TAFA5: variants seen among roughly 807,000 people sequenced by gnomAD.
TAFA5 encodes the protein chemokine-like protein TAFA-5.
Under a neutral mutation model 15.3 loss-of-function variants are expected in TAFA5, and 6 were observed. The ratio of observed to expected loss-of-function variants is 0.39; its 90% CI spans 0.21 to 0.77. TAFA5 has a LOEUF of 0.77. Ranked by LOEUF, TAFA5 falls within the 30% of genes least tolerant of loss-of-function variation. TAFA5 has a pLI of 0.41. For missense variants in TAFA5, 161 were observed against 193.1 expected, an observed-to-expected ratio of 0.83 and a Z score of 0.98; for synonymous variants, 103 against 80.7, an observed-to-expected ratio of 1.28 and a Z score of -1.48.
At chr22:48,688,045 T>C (rs527305086) in intron 2 of TAFA5, among the ~76,000 whole-genome samples, 1 of 151,972 alleles carries the variant, frequency 6.6e-6, no homozygotes. Flanking sequence ...AATGAAATAA[T>C]GAAACAGGTA....
At chr22:48,691,274 G>A (rs1280983277) in intron 2 of TAFA5, among the ~76,000 whole-genome samples, 1 of 152,240 alleles carries the variant, frequency 6.6e-6, no homozygotes, top group Non-Finnish European at 1.5e-5. Flanking sequence ...TCCTCTCGTG[G>A]CTGTAAGGGT....
chr22:48,662,467 G>A (rs192163108), intron 2 of TAFA5, among the ~76,000 whole-genome samples: 86 of 148,482 alleles, frequency 5.8e-4, no homozygotes, highest in African/African-American at 2.0e-3. Context: ...CTGTGGTCGC[G>A]TGGGGAAGTG....
At position 48,646,683 on chromosome 22, in the gene TAFA5, C is replaced by T. The variant is rs267606283; in HGVS notation, c.199C>T (p.Arg67Cys). 6.2e-7 allele frequency: 1 copy of T among 1,610,798 alleles called. No individual in the cohort carries two copies. The highest frequency in any genetic ancestry group is 8.5e-7 in the Non-Finnish European group (1 of 1,179,600). ...PRRTIARQTA[R>C]CACRKGQIAG... ...GAGGACGATCGCCCGGCAGACCGCC[C>T]GCTGTGCGTGTAGAAAGGGGCAGAT... The change falls in exon 2 of 4, where the codon CGC (arginine) becomes TGC (cysteine). Residue 67 changes from arginine (R) to cysteine (C), a missense_variant. By Grantham distance (180) the Arg-to-Cys change is radical. Coordinates refer to ENST00000402357, the MANE Select transcript of TAFA5 (RefSeq NM_001082967.3).
At chr22:48,717,711 C>T (rs887082793) in intron 3 of TAFA5, among the ~76,000 whole-genome samples, 2 of 152,240 alleles carry the variant, frequency 1.3e-5, no homozygotes, top group African/African-American at 4.8e-5. Flanking sequence ...TTCCCAGGGA[C>T]CACAGAGCAG....
chr22:48,538,815 C>G (rs541302865), intron 1 of TAFA5: 10 of 153,840 alleles, frequency 6.5e-5, no homozygotes, highest in African/African-American at 2.2e-4. Context: ...GTCCTAGGAT[C>G]AAGGGTGCAG....
chr22:48,625,080 A>G (rs141695618), intron 1 of TAFA5, among the ~76,000 whole-genome samples: 13 of 151,078 alleles, frequency 8.6e-5, no homozygotes, highest in Non-Finnish European at 1.9e-4. Flanking sequence ...GCTTCACTGC[A>G]CTCCAGCCTG....
intron 1 of TAFA5, 92 bp from the exon 2 acceptor site, chr22:48,646,504 TG>T (rs1926867599): frequency 4.0e-6 from 6 of 1,495,168 alleles, no homozygotes; most frequent in Middle Eastern, 2.3e-4. Flanking sequence ...GCCTGGCTGC[TG>T]GGGGCCCCTC....
intron 2 of TAFA5, among the ~76,000 whole-genome samples, chr22:48,665,978 C>T (rs932306406): frequency 2.0e-5 from 3 of 152,082 alleles, no homozygotes; most frequent in African/African-American, 7.2e-5. Flanking sequence ...CCAGCCTAGC[C>T]CTGGCCTCCT....
intron 2 of TAFA5, among the ~76,000 whole-genome samples, chr22:48,670,712 G>A (rs1429709698): frequency 6.6e-6 from 1 of 152,252 alleles, no homozygotes; most frequent in African/African-American, 2.4e-5. Context: ...TCATCAGGAT[G>A]TAGGAAAATG....
chr22:48,725,289 G>A (rs1241725357), intron 3 of TAFA5, among the ~76,000 whole-genome samples: 2 of 152,010 alleles, frequency 1.3e-5, no homozygotes, highest in Non-Finnish European at 1.5e-5. Context: ...GACCTCTGCC[G>A]GTTTAAAAGG....
chr22:48,576,597 G>T, intron 1 of TAFA5: 1 of 1,420,710 alleles, frequency 7.0e-7, no homozygotes, highest in Non-Finnish European at 9.3e-7. Context: ...CGCGCGGACC[G>T]GTCCTCCGCG....
At chr22:48,700,625 G>A (rs982533278) in intron 2 of TAFA5, among the ~76,000 whole-genome samples, 1 of 152,132 alleles carries the variant, frequency 6.6e-6, no homozygotes, top group East Asian at 1.9e-4. Context: ...CTTGGTACAC[G>A]TGAGTGTGCA....
intron 1 of TAFA5, among the ~76,000 whole-genome samples, chr22:48,498,401 A>G (rs6007869): frequency 0.4 from 61,288 of 151,982 alleles, 13,624 homozygotes; most frequent in African/African-American, 0.58. Flanking sequence ...GATTCCAAAG[A>G]TATCTTTGGT....
At chr22:48,505,877 C>G (rs1163325837) in intron 1 of TAFA5, among the ~76,000 whole-genome samples, 1 of 152,208 alleles carries the variant, frequency 6.6e-6, no homozygotes, top group African/African-American at 2.4e-5. Flanking sequence ...CTCCTGTGGA[C>G]AAGTCCATAA....
chr22:48,661,274 C>T (rs1927429519), intron 2 of TAFA5, among the ~76,000 whole-genome samples: 1 of 152,166 alleles, frequency 6.6e-6, no homozygotes, highest in Non-Finnish European at 1.5e-5. Context: ...CACCCTCGGC[C>T]CCGAGCCGCC....
chr22:48,652,042 T>C (rs948058109), intron 2 of TAFA5, among the ~76,000 whole-genome samples: 4 of 152,146 alleles, frequency 2.6e-5, no homozygotes, highest in African/African-American at 4.8e-5. Flanking sequence ...GCCCTAGCAA[T>C]GTGGGGTTTA....
chr22:48,576,627 G>T, intron 1 of TAFA5: 1 of 1,312,078 alleles, frequency 7.6e-7, no homozygotes, highest in Non-Finnish European at 9.8e-7. Flanking sequence ...GCTCGCGGCG[G>T]CTCCGGCGCC....
chr22:48,584,717 C>A (rs951711756), intron 1 of TAFA5, among the ~76,000 whole-genome samples: 1 of 149,858 alleles, frequency 6.7e-6, no homozygotes, highest in African/African-American at 2.5e-5. Context: ...ATGCACCACA[C>A]ACCCCACACG....
At position 48,574,756 on chromosome 22, in the gene TAFA5, C is replaced by T. The variant is rs143679655; in HGVS notation, c.113-71841C>T. 2.3e-3 allele frequency among the ~76,000 whole-genome samples: 345 copies of T among 152,328 alleles called. 2 individuals are homozygous for T. The highest frequency in any genetic ancestry group is 7.8e-3 in the African/African-American group (326 of 41,570). ...ATTCAGGCAAAAATACCTTGAGGCC[C>T]ACCACACTGGTCTTGGTACTGGGCT... On this transcript the variant is annotated intron_variant, in intron 1 of 3. Coordinates refer to ENST00000402357, the MANE Select transcript of TAFA5 (RefSeq NM_001082967.3).
Sources: gnomAD v4.1 joint callset for allele counts (sites outside exome capture counted in the v4.1 genomes callset) on GRCh38, gnomAD v4.1.1 for gene constraint, MANE v1.5 for transcripts, NCBI Gene and HGNC (gene_info 2026-07-23, HGNC 2026-07-21) for gene names.